Variants in DAPK1 observed in about 807,000 individuals in gnomAD.
The protein encoded by DAPK1 is death-associated protein kinase 1.
Under a neutral mutation model 144.9 loss-of-function variants are expected in DAPK1, and 56 were observed. The ratio of observed to expected loss-of-function variants is 0.39; its 90% CI spans 0.31 to 0.48. The LOEUF is 0.48. Ranked by LOEUF, DAPK1 falls within the 20% of genes least tolerant of loss-of-function variation. The pLI, the probability that DAPK1 is intolerant of heterozygous loss-of-function variation, is 0.95. For missense variants in DAPK1, 1,454 were observed against 1,875.4 expected (o/e 0.78, Z 4.15); for synonymous variants, 690 against 749.0 (o/e 0.92, Z 1.29).
At chr9:87,683,087 T>TTATTTA (rs1554704275) in intron 20 of DAPK1, among the ~76,000 whole-genome samples, 1,975 of 104,826 alleles carry the variant, frequency 0.019, 84 homozygotes, top group East Asian at 0.12. Flanking sequence ...TTTTATTTAT[T>TTATTTA]TTTTTTTTTT....
chr9:87,543,849 G>C (rs553468699), intron 2 of DAPK1, among the ~76,000 whole-genome samples: 1 of 152,106 alleles, frequency 6.6e-6, no homozygotes, highest in East Asian at 1.9e-4. Flanking sequence ...TTTGGATTTT[G>C]TTTATTATAG....
chr9:87,589,991 C>T (rs1828067892), intron 2 of DAPK1, among the ~76,000 whole-genome samples: 2 of 152,204 alleles, frequency 1.3e-5, no homozygotes, highest in Admixed American at 6.5e-5. Context: ...TTCTACTTTT[C>T]TTATGACCCA....
At chr9:87,660,885 G>A (rs995305283) in intron 18 of DAPK1, among the ~76,000 whole-genome samples, 4 of 151,398 alleles carry the variant, frequency 2.6e-5, no homozygotes, top group East Asian at 3.9e-4. Context: ...CTCGCTCTTC[G>A]CCAGGCTGGA....
chr9:87,591,377 A>G (rs1253964497), intron 2 of DAPK1, among the ~76,000 whole-genome samples: 1 of 152,240 alleles, frequency 6.6e-6, no homozygotes, highest in Admixed American at 6.5e-5. Flanking sequence ...AAAGCAAATG[A>G]TGGACATCTT....
chr9:87,633,703 CG>C (rs1564033513), intron 3 of DAPK1, among the ~76,000 whole-genome samples: 1 of 152,078 alleles, frequency 6.6e-6, no homozygotes, highest in Non-Finnish European at 1.5e-5. Context: ...GAATAAGGCA[CG>C]AGATGACCAG....
intron 3 of DAPK1, among the ~76,000 whole-genome samples, chr9:87,615,491 G>A (rs1036428681): frequency 6.6e-6 from 1 of 152,200 alleles, no homozygotes; most frequent in East Asian, 1.9e-4. Context: ...TTCCCTGGAC[G>A]ACAGAAGTGT....
intron 2 of DAPK1, among the ~76,000 whole-genome samples, chr9:87,540,053 A>G (rs1176670082): frequency 2.0e-5 from 3 of 151,954 alleles, no homozygotes; most frequent in African/African-American, 7.3e-5. Flanking sequence ...AAAAAAAATT[A>G]TTTACTAAGG....
chr9:87,547,356 G>A (rs1197735512), intron 2 of DAPK1, among the ~76,000 whole-genome samples: 1 of 152,102 alleles, frequency 6.6e-6, no homozygotes, highest in East Asian at 1.9e-4. Flanking sequence ...AGATCAACAC[G>A]GTTCAAAAGA....
intron 2 of DAPK1, among the ~76,000 whole-genome samples, chr9:87,563,689 T>C (rs1827013573): frequency 1.3e-5 from 2 of 152,168 alleles, no homozygotes; most frequent in African/African-American, 4.8e-5. Flanking sequence ...CCACCAGATG[T>C]TCAGGTGAGG....
intron 19 of DAPK1, among the ~76,000 whole-genome samples, chr9:87,672,860 G>GA (rs1158415899): frequency 6.6e-6 from 1 of 152,266 alleles, no homozygotes; most frequent in East Asian, 1.9e-4. Context: ...GGGGAGCCCA[G>GA]AAGCAGGCAA....
At position 87,683,085 on chromosome 9, in the gene DAPK1, A is replaced by ATTTATT. The variant is rs760162020; in HGVS notation, c.2224+1462_2224+1463insATTTTT. Among the ~76,000 whole-genome samples the ATTTATT allele has an allele frequency of 1.9e-3, 217 of 112,584 alleles. 1 individual carries two copies. The highest frequency in any genetic ancestry group is 4.5e-3 in the African/African-American group (166 of 36,574). The allele number at this position is 112,584 out of a possible 152,430, so 73.9% of individuals were successfully genotyped here. On this transcript the variant is annotated intron_variant, in intron 20 of 25. Transcript: ENST00000408954. ...TTAAAGAAAAAAATTTATTTTATTT[A>ATTTATT]TTTTTTTTTTTTTTTGAGATGGAGT...
At chr9:87,595,780 T>C (rs1828293993) in intron 2 of DAPK1, among the ~76,000 whole-genome samples, 1 of 152,164 alleles carries the variant, frequency 6.6e-6, no homozygotes, top group Non-Finnish European at 1.5e-5. Context: ...TCTGCATCTC[T>C]TTCCTACCTC....
intron 2 of DAPK1, among the ~76,000 whole-genome samples, chr9:87,573,101 C>T (rs1274245190): frequency 6.6e-6 from 1 of 152,196 alleles, no homozygotes; most frequent in Non-Finnish European, 1.5e-5. Context: ...ACCCAGCCTT[C>T]TGGGGTTCAG....
At chr9:87,687,376 G>C (rs1312616778) in intron 21 of DAPK1, among the ~76,000 whole-genome samples, 1 of 152,108 alleles carries the variant, frequency 6.6e-6, no homozygotes, top group Non-Finnish European at 1.5e-5. Context: ...ATGTGAATGA[G>C]AACATGCAGT....
At chr9:87,562,320 C>T (rs576188334) in intron 2 of DAPK1, among the ~76,000 whole-genome samples, 2 of 152,298 alleles carry the variant, frequency 1.3e-5, no homozygotes, top group South Asian at 2.1e-4. Context: ...CCTCCTGTGT[C>T]GTAACTCCAG....
chr9:87,540,189 T>C (rs1825997939), intron 2 of DAPK1, among the ~76,000 whole-genome samples: 2 of 134,140 alleles, frequency 1.5e-5, no homozygotes, highest in Admixed American at 7.4e-5. Flanking sequence ...ATCTCTTTTT[T>C]TTTTTTTTTT....
At chr9:87,504,292 A>G (rs1824508934) in intron 2 of DAPK1, among the ~76,000 whole-genome samples, 1 of 152,242 alleles carries the variant, frequency 6.6e-6, no homozygotes, top group African/African-American at 2.4e-5. Context: ...TGATTTTAAA[A>G]GTGTGTACAT....
intron 2 of DAPK1, among the ~76,000 whole-genome samples, chr9:87,575,459 T>C (rs1033989471): frequency 6.6e-6 from 1 of 151,736 alleles, no homozygotes. Context: ...ATTGGGTGCT[T>C]TATGGGGTGT....
intron 14 of DAPK1, among the ~76,000 whole-genome samples, chr9:87,648,386 A>C (rs1489540898): frequency 1.3e-5 from 2 of 152,272 alleles, no homozygotes; most frequent in Non-Finnish European, 2.9e-5. Flanking sequence ...TGAGAAGCTT[A>C]TTAATAAATA....
Sources: gnomAD v4.1 joint callset for allele counts (sites outside exome capture counted in the v4.1 genomes callset) on GRCh38, gnomAD v4.1.1 for gene constraint, MANE v1.5 for transcripts, NCBI Gene and HGNC (gene_info 2026-07-23, HGNC 2026-07-21) for gene names.